Variants in SNX24 observed in about 807,000 individuals in gnomAD.
SNX24 encodes sorting nexin-24.
In SNX24, 22 loss-of-function variants were observed where a neutral mutation model predicts 28.7. That is an observed-to-expected ratio of 0.77 (90% CI 0.55 to 1.10). SNX24 has a LOEUF of 1.10. Ranked by LOEUF, SNX24 falls within the 50% of genes least tolerant of loss-of-function variation. The probability of loss-of-function intolerance (pLI) is 0.00; values close to 1 mark genes in which losing one functional copy is unlikely to be tolerated. For missense variants in SNX24, 221 were observed against 201.1 expected, an observed-to-expected ratio of 1.10 and a Z score of -0.60; for synonymous variants, 69 against 71.5, an observed-to-expected ratio of 0.96 and a Z score of 0.18.
At chr5:122,926,901 AT>A (rs1758722605) in intron 1 of SNX24, among the ~76,000 whole-genome samples, 1 of 152,196 alleles carries the variant, frequency 6.6e-6, no homozygotes. Context: ...ACCTCTAGTG[AT>A]GGAGAGAGAA....
intron 6 of SNX24, among the ~76,000 whole-genome samples, chr5:123,004,987 G>C (rs766744202): frequency 2.3e-4 from 35 of 152,330 alleles, no homozygotes; most frequent in Non-Finnish European, 3.8e-4. Flanking sequence ...GTCAAGGACA[G>C]TTTACTGAGT....
chr5:122,865,382 G>T (rs1427670396), intron 1 of SNX24, among the ~76,000 whole-genome samples: 2 of 152,224 alleles, frequency 1.3e-5, no homozygotes, highest in African/African-American at 4.8e-5. Flanking sequence ...CCAGGCTAGA[G>T]TGCAATGGCA....
At chr5:123,029,196 T>G in intron 5 of SNX24, 2 of 1,573,354 alleles carry the variant, frequency 1.3e-6, no homozygotes, top group East Asian at 4.6e-5. Context: ...TCAAATGTGG[T>G]AAGGTTCATC....
At chr5:122,967,377 C>A (rs1026355670) in intron 3 of SNX24, among the ~76,000 whole-genome samples, 1 of 152,134 alleles carries the variant, frequency 6.6e-6, no homozygotes, top group Non-Finnish European at 1.5e-5. Flanking sequence ...AGCAACCACA[C>A]TGAAATTGCC....
At chr5:122,965,828 A>G (rs1216553625) in intron 3 of SNX24, among the ~76,000 whole-genome samples, 2 of 152,240 alleles carry the variant, frequency 1.3e-5, no homozygotes, top group South Asian at 2.1e-4. Context: ...GATGTTTCCA[A>G]TTAAAGAACC....
chr5:122,955,534 C>T lies in SNX24; in HGVS notation c.249+9375C>T, dbSNP rs76719440. On this transcript the variant is annotated intron_variant, in intron 3 of 6. Coordinates refer to ENST00000261369, the MANE Select transcript of SNX24 (RefSeq NM_014035.4). The stretch of plus-strand genomic sequence containing the variant: ...TTCTATTTTAGCTGACTTTCTCTAA[C>T]AGCTCCATCAGGGGAAGATGGGATG... Among the ~76,000 whole-genome samples, 369 of 152,322 alleles carry T rather than the reference C, an allele frequency of 2.4e-3. 1 individual carries two copies. The highest frequency in any genetic ancestry group is 8.6e-3 in the African/African-American group (358 of 41,572).
intron 1 of SNX24, among the ~76,000 whole-genome samples, chr5:122,934,993 AG>A (rs1018893981): frequency 6.6e-6 from 1 of 151,938 alleles, no homozygotes; most frequent in African/African-American, 2.4e-5. Context: ...CTGGCCTTCA[AG>A]GGGGGGCACT....
At chr5:122,969,155 A>G (rs1760843252) in intron 3 of SNX24, among the ~76,000 whole-genome samples, 1 of 152,160 alleles carries the variant, frequency 6.6e-6, no homozygotes, top group South Asian at 2.1e-4. Context: ...TAATTTATTT[A>G]TAACTTGTTT....
intron 1 of SNX24, among the ~76,000 whole-genome samples, chr5:122,889,677 GTATA>G (rs772602796): frequency 7.1e-6 from 1 of 141,572 alleles, no homozygotes; most frequent in Non-Finnish European, 1.5e-5. Flanking sequence ...ATATATATGT[GTATA>G]TATATGTATA....
chr5:122,901,140 GC>G (rs1757428410), intron 1 of SNX24, among the ~76,000 whole-genome samples: 1 of 150,832 alleles, frequency 6.6e-6, no homozygotes, highest in South Asian at 2.1e-4. Flanking sequence ...GGTGGAGGTG[GC>G]AGTGAGCCAA....
At chr5:123,026,398 G>T (rs1156887126) in intron 5 of SNX24, among the ~76,000 whole-genome samples, 1 of 152,152 alleles carries the variant, frequency 6.6e-6, no homozygotes, top group East Asian at 1.9e-4. Flanking sequence ...ATCCAGGATT[G>T]GGTGTTACTC....
intron 1 of SNX24, among the ~76,000 whole-genome samples, chr5:122,878,115 A>G (rs1287196784): frequency 2.0e-5 from 3 of 152,170 alleles, no homozygotes; most frequent in African/African-American, 7.2e-5. Flanking sequence ...GAGTGAAATT[A>G]TTCCTAGATA....
At chr5:122,880,558 A>T (rs1231990279) in intron 1 of SNX24, among the ~76,000 whole-genome samples, 3 of 152,164 alleles carry the variant, frequency 2.0e-5, no homozygotes, top group African/African-American at 7.2e-5. Flanking sequence ...ACTGAGTGCA[A>T]AGTTGATTGT....
intron 1 of SNX24, among the ~76,000 whole-genome samples, chr5:122,909,425 G>A (rs907442466): frequency 3.3e-5 from 5 of 152,148 alleles, no homozygotes; most frequent in Admixed American, 1.3e-4. Context: ...AAACCTTACC[G>A]TAGGTCATGT....
At chr5:122,944,777 C>T (rs1759612255) in intron 2 of SNX24, among the ~76,000 whole-genome samples, 1 of 152,180 alleles carries the variant, frequency 6.6e-6, no homozygotes, top group South Asian at 2.1e-4. Context: ...GGTGAATATA[C>T]TCTTACATAT....
intron 5 of SNX24, chr5:123,023,836 AC>A (rs1554081589): frequency 6.2e-7 from 1 of 1,602,838 alleles, no homozygotes; most frequent in East Asian, 2.2e-5. Flanking sequence ...ACACACACAC[AC>A]CCCTGCCAAA....
chr5:122,940,842 G>C (rs1310586126), intron 2 of SNX24, among the ~76,000 whole-genome samples: 10 of 152,190 alleles, frequency 6.6e-5, no homozygotes, highest in African/African-American at 2.4e-4. Context: ...CAAAGTGTTG[G>C]GATTACAGGC....
intron 1 of SNX24, among the ~76,000 whole-genome samples, chr5:122,863,908 G>A (rs1392263396): frequency 6.6e-6 from 1 of 150,690 alleles, no homozygotes; most frequent in Non-Finnish European, 1.5e-5. Flanking sequence ...GTGATTCAGT[G>A]GCACTGTTCC....
rs76460231 is a variant in SNX24, at chr5:122,862,311, T to C, written c.60+16618T>C. 8.5e-3 allele frequency among the ~76,000 whole-genome samples: 1,291 copies of C among 151,176 alleles called. 10 individuals are homozygous for C. The highest frequency in any genetic ancestry group is 0.06 in the East Asian group (309 of 5,154). On this transcript the variant is annotated intron_variant, in intron 1 of 6. Transcript: ENST00000261369. ...GGGAGAGAAACATCAGGGGTACAAG[T>C]GACAAAAGAAAAAAAAGAAAGAGGC...
Sources: allele counts gnomAD v4.1 joint callset (sites outside exome capture counted in the v4.1 genomes callset), GRCh38; gene constraint gnomAD v4.1.1; transcripts MANE v1.5; gene names NCBI Gene and HGNC (gene_info 2026-07-23, HGNC 2026-07-21).